RGSL1: variants seen among roughly 807,000 people sequenced by gnomAD.
RGSL1 encodes the protein regulator of G protein signaling like 1, also known as regulator of G protein signaling protein-like.
In RGSL1, 97 loss-of-function variants were observed where a neutral mutation model predicts 124.7. The ratio of observed to expected loss-of-function variants is 0.78; its 90% CI spans 0.66 to 0.92. The LOEUF is 0.92. Ranked by LOEUF, RGSL1 falls within the 40% of genes least tolerant of loss-of-function variation. RGSL1 has a pLI of 0.00. For missense variants in RGSL1, 1,233 were observed against 1,288.4 expected (o/e 0.96, Z 0.66); for synonymous variants, 424 against 438.1 (o/e 0.97, Z 0.40).
In RGSL1 at chr1:182,515,276, C is replaced by T. The variant is rs75818794; in HGVS notation, c.1826-6728C>T. Among the ~76,000 whole-genome samples, 1,308 of 152,210 alleles carry T rather than the reference C, an allele frequency of 8.6e-3. 16 individuals are homozygous for T. Among genetic ancestry groups the T allele is most frequent in the African/African-American group, 0.03 (1,249 of 41,526 alleles). The stretch of plus-strand genomic sequence containing the variant: ...TCCTTTCATGAAGCAGGGATTTAGT[C>T]GACAGGAATTGGTCCTGCGCATTTA... On this transcript the variant is annotated intron_variant, in intron 9 of 21. Transcript: ENST00000294854.
At chr1:182,502,342 G>A (rs1048628455) in intron 9 of RGSL1, among the ~76,000 whole-genome samples, 8 of 152,054 alleles carry the variant, frequency 5.3e-5, no homozygotes, top group African/African-American at 1.9e-4. Flanking sequence ...GCACTTTGGA[G>A]GCCGAGGCAG....
intron 15 of RGSL1, among the ~76,000 whole-genome samples, chr1:182,547,675 C>A (rs1332618720): frequency 6.6e-6 from 1 of 152,096 alleles, no homozygotes; most frequent in Non-Finnish European, 1.5e-5. Flanking sequence ...TCCTGGGTAA[C>A]ATGGTGAAAT....
At chr1:182,450,113 T>TG (rs1651692825), upstream of RGSL1, 1 of 1,550,134 alleles carries the variant, frequency 6.5e-7, no homozygotes, top group Admixed American at 2.0e-5. Context: ...TTCTATTGAC[T>TG]GGGGGGTAAT....
intron 4 of RGSL1, among the ~76,000 whole-genome samples, chr1:182,460,452 G>A (rs1165477724): frequency 6.6e-6 from 1 of 152,174 alleles, no homozygotes; most frequent in Non-Finnish European, 1.5e-5. Flanking sequence ...AGCCAGAAAT[G>A]AGAAAATTAA....
chr1:182,543,550 A>G (rs1296512436), intron 15 of RGSL1, among the ~76,000 whole-genome samples: 1 of 151,912 alleles, frequency 6.6e-6, no homozygotes, highest in African/African-American at 2.4e-5. Flanking sequence ...GTATTGGGTC[A>G]ATGTTGGCCT....
rs1206894480 is a variant in RGSL1 at position 182,473,825 on chromosome 1, G to A, written c.714G>A (p.Lys238=). 5 of 1,551,612 alleles carry A rather than the reference G, an allele frequency of 3.2e-6. No homozygotes were observed. The highest frequency in any genetic ancestry group is 2.7e-5 in the African/African-American group (2 of 73,038). The change falls in exon 6 of 22, where the codon AAG becomes AAA. Residue 238 remains lysine (K), a synonymous_variant. Coordinates refer to ENST00000294854, the MANE Select transcript of RGSL1 (RefSeq NM_001137669.2). The part of the protein sequence containing the change: ...GGLPLNMSIK[K]CHHFQKRYSS... ...TCCCTCTGAACATGAGCATCAAGAA[G>A]TGCCACCACTTTCAGAAACGGTACT...
At chr1:182,465,710 T>A (rs958607866) in intron 4 of RGSL1, among the ~76,000 whole-genome samples, 6 of 152,198 alleles carry the variant, frequency 3.9e-5, no homozygotes, top group Non-Finnish European at 8.8e-5. Context: ...CTGATGGTTT[T>A]ACTGGTGACT....
Position 182,474,128 on chromosome 1 carries a change from T to A in RGSL1, c.1017T>A (p.Ser339=). 6.4e-7 allele frequency: 1 copy of A among 1,552,000 alleles called. No individual in the cohort carries two copies. Among genetic ancestry groups the A allele is most frequent in the Non-Finnish European group, 8.7e-7 (1 of 1,147,042 alleles). The change falls in exon 6 of 22, where the codon TCT becomes TCA. Residue 339 remains serine (S), a synonymous_variant. Coordinates refer to ENST00000294854, the MANE Select transcript of RGSL1 (RefSeq NM_001137669.2). ...AAGCCCCCTTTGAGACAAAGGTCTC[T>A]ACCCACCTGAGGACTGTCATCCCCA... ...HMEAPFETKV[S]THLRTVIPIV...
intron 6 of RGSL1, among the ~76,000 whole-genome samples, chr1:182,484,945 C>A (rs1654990476): frequency 1.3e-5 from 2 of 152,106 alleles, no homozygotes; most frequent in Non-Finnish European, 2.9e-5. Context: ...GCCCCTGGAG[C>A]AAGACACATT....
chr1:182,518,187 G>A lies in RGSL1; in HGVS notation c.1826-3817G>A, dbSNP rs569042228. Reference sequence around the variant, plus strand: ...CCCAAGTAGCTGGGACTACAGGCAAGCACCACTATACCCAGCTAATTTTTT... The same window carrying A: ...CCCAAGTAGCTGGGACTACAGGCAAACACCACTATACCCAGCTAATTTTTT... On this transcript the variant is annotated intron_variant, in intron 9 of 21. Coordinates refer to ENST00000294854, the MANE Select transcript of RGSL1 (RefSeq NM_001137669.2). Among the ~76,000 whole-genome samples, 7 of 152,148 alleles carry A rather than the reference G, an allele frequency of 4.6e-5. No homozygotes were observed. The South Asian group carries it at 1.5e-3, about 32-fold the overall frequency.
At chr1:182,508,253 TTTGTTGGTGGTGGTGATGG>T (rs1303390858) in intron 9 of RGSL1, among the ~76,000 whole-genome samples, 1 of 151,670 alleles carries the variant, frequency 6.6e-6, no homozygotes, top group African/African-American at 2.4e-5. Flanking sequence ...GCATTGTAAT[TTTGTTGGTGGTGGTGATGG>T]TTGTTGGTGG....
At chr1:182,468,071 A>C (rs266521) in intron 4 of RGSL1, among the ~76,000 whole-genome samples, 37,100 of 152,116 alleles carry the variant, frequency 0.24, 6,210 homozygotes, top group African/African-American at 0.46. Context: ...CAATGAGATA[A>C]CATCTTACAC....
intron 19 of RGSL1, 92 bp downstream of exon 19, chr1:182,553,633 G>A: frequency 9.5e-7 from 1 of 1,055,328 alleles, no homozygotes; most frequent in African/African-American, 1.6e-5. Context: ...TTGACAATAA[G>A]GAGACTGAGA....
At chr1:182,559,291 T>C (rs1181751830) in intron 21 of RGSL1, among the ~76,000 whole-genome samples, 1 of 152,200 alleles carries the variant, frequency 6.6e-6, no homozygotes, top group Non-Finnish European at 1.5e-5. Context: ...CAAATCAGTT[T>C]TGGCCCCTTT....
intron 4 of RGSL1, among the ~76,000 whole-genome samples, chr1:182,469,685 G>T (rs905105706): frequency 6.6e-6 from 1 of 152,168 alleles, no homozygotes; most frequent in South Asian, 2.1e-4. Flanking sequence ...GCAGGGTCTG[G>T]AGAGATATTT....
chr1:182,447,899 C>T (rs1651577071), upstream of RGSL1: 3 of 151,578 alleles, frequency 2.0e-5, no homozygotes, highest in South Asian at 6.2e-4. Context: ...CTAAAATGAG[C>T]CATCATGGTA....
chr1:182,465,470 G>C (rs142298733), intron 4 of RGSL1, among the ~76,000 whole-genome samples: 2 of 132,172 alleles, frequency 1.5e-5, no homozygotes, highest in East Asian at 2.7e-4. Flanking sequence ...TCATGGGGTG[G>C]GGGGAGGGGC....
At chr1:182,454,950 G>A (rs1412501271) in intron 2 of RGSL1, among the ~76,000 whole-genome samples, 1 of 152,134 alleles carries the variant, frequency 6.6e-6, no homozygotes, top group Non-Finnish European at 1.5e-5. Context: ...TCAGTCAAGT[G>A]GGAGAAGCAC....
At chr1:182,459,757 T>C (rs1250308020) in intron 3 of RGSL1, among the ~76,000 whole-genome samples, 1 of 152,236 alleles carries the variant, frequency 6.6e-6, no homozygotes, top group East Asian at 1.9e-4. Flanking sequence ...AAGAATTTTT[T>C]CATGAAAGAT....
Sources: gnomAD v4.1 joint callset for allele counts (sites outside exome capture counted in the v4.1 genomes callset) on GRCh38, gnomAD v4.1.1 for gene constraint, MANE v1.5 for transcripts, NCBI Gene and HGNC (gene_info 2026-07-23, HGNC 2026-07-21) for gene names.